The following MRPS28 variants were observed in gnomAD, a reference collection of about 807,000 sequenced individuals.
The protein encoded by MRPS28 is mitochondrial ribosomal protein S28, also known as small ribosomal subunit protein bS1m.
MRPS28 carries 7 observed loss-of-function variants against 10.8 expected under a neutral mutation model. The ratio of observed to expected loss-of-function variants is 0.65; its 90% confidence interval spans 0.37 to 1.22. MRPS28 has a LOEUF of 1.22. MRPS28 is among the 50% of genes most tolerant of loss of function. The pLI is 0.02. For synonymous variants in MRPS28, 121 were observed against 93.3 expected (o/e 1.30, Z -1.71); for missense variants, 265 against 232.9 (o/e 1.14, Z -0.90).
chr8:79,963,804 G>C (rs1324196370), intron 2 of MRPS28, among the ~76,000 whole-genome samples: 1 of 152,122 alleles, frequency 6.6e-6, no homozygotes, highest in African/African-American at 2.4e-5. Context: ...AGCCTAGGAA[G>C]TGAAGGCGGA....
At chr8:79,927,564 A>C (rs749881900) in intron 2 of MRPS28, among the ~76,000 whole-genome samples, 1 of 152,224 alleles carries the variant, frequency 6.6e-6, no homozygotes, top group Non-Finnish European at 1.5e-5. Flanking sequence ...TTAAATAGGT[A>C]TTGTTGAATT....
chr8:79,997,714 G>A (rs4740097), intron 2 of MRPS28, among the ~76,000 whole-genome samples: 117,011 of 152,042 alleles, frequency 0.77, 45,598 homozygotes, highest in African/African-American at 0.89. Context: ...AATTTTATTA[G>A]TTTGTACAAT....
intron 2 of MRPS28, among the ~76,000 whole-genome samples, chr8:79,926,520 T>C (rs1810239163): frequency 6.6e-6 from 1 of 152,226 alleles, no homozygotes; most frequent in South Asian, 2.1e-4. Context: ...CATCAATACT[T>C]ATTTATAAAG....
Position 79,971,970 on chromosome 8 carries a change from G to T in MRPS28, c.395+31029C>A, listed in dbSNP as rs370123752. On this transcript the variant is annotated intron_variant, in intron 2 of 2. Transcript: ENST00000276585. ...CCGCCTCAGCCTCCCAAAGTGCTGG[G>T]ATTACCGGTGTGAGCCACTGTGCCC... 3.1e-4 allele frequency among the ~76,000 whole-genome samples: 47 copies of T among 152,242 alleles called. 1 individual carries two copies. The highest frequency in any genetic ancestry group is 1.1e-3 in the African/African-American group (46 of 41,538).
At chr8:79,963,279 T>C (rs563861261) in intron 2 of MRPS28, among the ~76,000 whole-genome samples, 14 of 152,120 alleles carry the variant, frequency 9.2e-5, no homozygotes, top group Non-Finnish European at 1.9e-4. Context: ...GTTGATCTTT[T>C]AGTCTTCTTA....
At chr8:79,998,349 GA>G in intron 2 of MRPS28, among the ~76,000 whole-genome samples, 1 of 152,194 alleles carries the variant, frequency 6.6e-6, no homozygotes, top group African/African-American at 2.4e-5. Flanking sequence ...TGATTTAAAA[GA>G]AAAATATAAT....
intron 1 of MRPS28, among the ~76,000 whole-genome samples, chr8:80,005,993 T>C (rs1406689072): frequency 2.0e-5 from 3 of 152,192 alleles, no homozygotes; most frequent in South Asian, 2.1e-4. Flanking sequence ...AGCAAGTCCT[T>C]AGAGACCTAC....
intron 1 of MRPS28, chr8:80,028,645 C>CGGGCGGGCGGGGGG (rs1554575868): frequency 6.0e-4 from 2 of 3,332 alleles, no homozygotes; most frequent in South Asian, 0.022. Context: ...AAGCAGAAGA[C>CGGGCGGGCGGGGGG]GGGCGGGGGG....
chr8:79,998,301 G>A (rs1808564049), intron 2 of MRPS28, among the ~76,000 whole-genome samples: 1 of 152,098 alleles, frequency 6.6e-6, no homozygotes, highest in Non-Finnish European at 1.5e-5. Context: ...GAGTCATTCT[G>A]ATTTGTCATA....
intron 2 of MRPS28, among the ~76,000 whole-genome samples, chr8:79,974,116 C>A (rs1219716411): frequency 1.3e-5 from 2 of 152,172 alleles, no homozygotes; most frequent in Admixed American, 6.5e-5. Flanking sequence ...TAGTTAAAAT[C>A]TTCCAGAATT....
At chr8:80,022,049 C>G (rs1809381547) in intron 1 of MRPS28, among the ~76,000 whole-genome samples, 1 of 152,194 alleles carries the variant, frequency 6.6e-6, no homozygotes, top group Non-Finnish European at 1.5e-5. Flanking sequence ...TCCATTACCA[C>G]AAGGATTCCT....
At chr8:79,982,074 C>T (rs1257237005) in intron 2 of MRPS28, among the ~76,000 whole-genome samples, 1 of 151,992 alleles carries the variant, frequency 6.6e-6, no homozygotes, top group Non-Finnish European at 1.5e-5. Context: ...TGGTGAAACC[C>T]CATCTCTACT....
intron 1 of MRPS28, among the ~76,000 whole-genome samples, chr8:80,009,178 A>G (rs1378616086): frequency 6.6e-6 from 1 of 152,148 alleles, no homozygotes; most frequent in Non-Finnish European, 1.5e-5. Flanking sequence ...TGCAAGGACA[A>G]AAAAACCAAA....
At chr8:79,992,738 A>T (rs978777650) in intron 2 of MRPS28, among the ~76,000 whole-genome samples, 7 of 152,224 alleles carry the variant, frequency 4.6e-5, no homozygotes, top group African/African-American at 1.4e-4. Context: ...AGCATAAAGT[A>T]GTGGTTAACA....
intron 2 of MRPS28, among the ~76,000 whole-genome samples, chr8:79,943,594 G>A (rs1252329564): frequency 6.6e-6 from 1 of 152,136 alleles, no homozygotes; most frequent in Non-Finnish European, 1.5e-5. Flanking sequence ...GTGTTATAAT[G>A]TTTTGATGTG....
chr8:80,022,759 A>C (rs975325404), intron 1 of MRPS28, among the ~76,000 whole-genome samples: 2 of 152,262 alleles, frequency 1.3e-5, no homozygotes, highest in African/African-American at 4.8e-5. Flanking sequence ...GGTTATAAAA[A>C]TTAAAGTGAT....
At position 80,030,107 on chromosome 8, in the gene MRPS28, G is replaced by A. The variant is rs1809644882; in HGVS notation, c.142C>T (p.Arg48Cys). Residue 48 changes from arginine (R) to cysteine (C), a missense_variant, in exon 1 of 3, where the codon CGC becomes TGC. Arg to Cys is a radical substitution (Grantham distance 180). Transcript: ENST00000276585. ...AACGCGCTCGCGAAACCGCCTGCGC[G>A]CGTCTTAGGCTCCTTGGCATTGGAA... ...GSSNAKEPKT[R>C]AGGFASALER... 1.9e-6 allele frequency: 3 copies of A among 1,611,960 alleles called. No homozygotes were observed. The highest frequency in any genetic ancestry group is 2.5e-6 in the Non-Finnish European group (3 of 1,179,934).
intron 1 of MRPS28, among the ~76,000 whole-genome samples, chr8:80,010,710 G>A (rs542542004): frequency 6.6e-6 from 1 of 152,318 alleles, no homozygotes; most frequent in South Asian, 2.1e-4. Flanking sequence ...TTTGGCCCAC[G>A]AACCACAAGT....
At chr8:79,939,699 G>A (rs1179101910) in intron 2 of MRPS28, among the ~76,000 whole-genome samples, 2 of 152,138 alleles carry the variant, frequency 1.3e-5, no homozygotes, top group East Asian at 1.9e-4. Context: ...GGCCGGGCAC[G>A]GTGGCTCACA....
Sources: allele counts gnomAD v4.1 joint callset (sites outside exome capture counted in the v4.1 genomes callset), GRCh38; gene constraint gnomAD v4.1.1; transcripts MANE v1.5; gene names NCBI Gene and HGNC (gene_info 2026-07-23, HGNC 2026-07-21).